Variants in BRF1 observed in about 807,000 individuals in gnomAD.
BRF1 encodes transcription factor IIIB 90 kDa subunit.
A neutral mutation model predicts 81.7 loss-of-function variants in BRF1; 59 were observed. That is an observed-to-expected ratio of 0.72 (90% CI 0.59 to 0.90). BRF1 has a LOEUF of 0.90. Among genes scored for constraint, BRF1 ranks in the 40% least tolerant of loss-of-function variants. BRF1 has a pLI of 0.00. For missense variants in BRF1, 1,050 were observed against 936.3 expected, an observed-to-expected ratio of 1.12 and a Z score of -1.58; for synonymous variants, 491 against 395.6, an observed-to-expected ratio of 1.24 and a Z score of -2.86.
intron 15 of BRF1, chr14:105,212,468 G>C (rs1350205730): frequency 5.2e-6 from 2 of 384,682 alleles, no homozygotes; most frequent in African/African-American, 4.1e-5. Context: ...GAGCTGCCTG[G>C]TGCCCTACCT....
chr14:105,250,373 G>T (rs1258400198), intron 5 of BRF1: 2 of 1,613,796 alleles, frequency 1.2e-6, no homozygotes, highest in Non-Finnish European at 1.7e-6. Context: ...TGAGTACAGC[G>T]TGAAGATTGA....
intron 5 of BRF1, among the ~76,000 whole-genome samples, chr14:105,243,903 A>T (rs587772026): frequency 6.6e-6 from 1 of 151,716 alleles, no homozygotes; most frequent in Admixed American, 6.6e-5. Context: ...GGAGGCTGAA[A>T]CAGGAGAATT....
chr14:105,252,641 T>C (rs1177002832), intron 4 of BRF1, 62 bp from the exon 5 acceptor site: 53 of 1,540,364 alleles, frequency 3.4e-5, no homozygotes, highest in Admixed American at 5.5e-5. Context: ...TTGCTTTTTT[T>C]CTCTTAAAAT....
In BRF1 at chr14:105,287,382, C is replaced by A. The variant is rs587717310; in HGVS notation, c.185-1006G>T. The stretch of plus-strand genomic sequence containing the variant: ...GAGAACAGTAAGGTGAGGCCCCAGG[C>A]ATGCCCAAAGATGGGGAGAGCTGGA... On this transcript the variant is annotated intron_variant, in intron 1 of 17. Coordinates refer to ENST00000547530, the MANE Select transcript of BRF1 (RefSeq NM_001519.4). 4.6e-5 allele frequency among the ~76,000 whole-genome samples: 7 copies of A among 152,324 alleles called. No homozygotes were observed. In the East Asian group the frequency reaches 1.4e-3, roughly 29 times the overall value.
chr14:105,213,793 C>G (rs587650341), intron 15 of BRF1, among the ~76,000 whole-genome samples: 92 of 152,302 alleles, frequency 6.0e-4, no homozygotes, highest in African/African-American at 2.1e-3. Flanking sequence ...CTGCAGAACC[C>G]GGCTGGAGAG....
chr14:105,229,423 C>A (rs1451285044), intron 6 of BRF1, among the ~76,000 whole-genome samples: 3 of 152,244 alleles, frequency 2.0e-5, no homozygotes, highest in African/African-American at 7.2e-5. Context: ...ATGCCGGTAC[C>A]TGGCCTGCCG....
intron 10 of BRF1, among the ~76,000 whole-genome samples, chr14:105,223,574 C>T (rs1457410540): frequency 6.6e-6 from 1 of 152,226 alleles, no homozygotes. Context: ...TGATCCTACT[C>T]CTACGGAATT....
At chr14:105,240,945 G>A (rs587602300) in intron 6 of BRF1, among the ~76,000 whole-genome samples, 8 of 152,320 alleles carry the variant, frequency 5.3e-5, no homozygotes, top group Admixed American at 4.6e-4. Flanking sequence ...CACTGTCCGC[G>A]TCAGAAGCCG....
intron 5 of BRF1, chr14:105,242,505 G>C (rs1187141604): frequency 6.6e-6 from 1 of 152,034 alleles, no homozygotes; most frequent in Admixed American, 6.6e-5. Flanking sequence ...GGGGGCCGAG[G>C]CGGGCGGATC....
chr14:105,305,341 G>A (rs1292269740), upstream of BRF1, among the ~76,000 whole-genome samples: 2 of 152,162 alleles, frequency 1.3e-5, no homozygotes, highest in Non-Finnish European at 2.9e-5. Flanking sequence ...AGTTGAGGCT[G>A]CAGTGAGCTG....
chr14:105,224,197 C>T (rs181277854), intron 10 of BRF1, among the ~76,000 whole-genome samples: 339 of 152,288 alleles, frequency 2.2e-3, no homozygotes, highest in Non-Finnish European at 4.0e-3. Flanking sequence ...GGCGAAACCC[C>T]GTTTCTACAA....
chr14:105,226,494 G>A, intron 8 of BRF1, 140 bp downstream of exon 8: 2 of 1,504,386 alleles, frequency 1.3e-6, no homozygotes, highest in Non-Finnish European at 1.8e-6. Flanking sequence ...CGGAGCCTCG[G>A]GCTCTGGCTG....
At chr14:105,228,612 G>T (rs1029171548) in intron 7 of BRF1, among the ~76,000 whole-genome samples, 1 of 152,048 alleles carries the variant, frequency 6.6e-6, no homozygotes, top group Admixed American at 6.6e-5. Flanking sequence ...GGCCCCAGAA[G>T]GACTAGCAGG....
intron 15 of BRF1, among the ~76,000 whole-genome samples, chr14:105,216,183 G>A (rs1891263969): frequency 6.6e-6 from 1 of 152,182 alleles, no homozygotes; most frequent in Non-Finnish European, 1.5e-5. Context: ...AGACACACAT[G>A]CACACCCGGG....
rs1889821424 is a variant in BRF1, at chr14:105,209,379, G to A, written c.*1172C>T. 1 of 608,862 alleles carries A rather than the reference G, an allele frequency of 1.6e-6. No individual in the cohort carries two copies. Among genetic ancestry groups the A allele is most frequent in the Non-Finnish European group, 3.0e-6 (1 of 337,250 alleles). The allele number at this position is 608,862 out of a possible 1,614,324, so 37.7% of individuals were successfully genotyped here. On this transcript the variant is annotated 3_prime_UTR_variant, in exon 18 of 18. Coordinates refer to ENST00000547530, the MANE Select transcript of BRF1 (RefSeq NM_001519.4). ...CCTGGCAGGACCCAGGCTGGCTACT[G>A]AGCTCTGGGCGGGGGTAGGGGGGTC...
chr14:105,304,337 A>G (rs587636008), upstream of BRF1, among the ~76,000 whole-genome samples: 18 of 152,182 alleles, frequency 1.2e-4, no homozygotes, highest in Non-Finnish European at 2.4e-4. Context: ...AAAAATACAA[A>G]AATTAGCAGG....
chr14:105,242,367 A>T (rs766673642), intron 5 of BRF1: 1 of 152,194 alleles, frequency 6.6e-6, no homozygotes, highest in East Asian at 1.9e-4. Flanking sequence ...TAGATAATTT[A>T]AAACAATTGC....
intron 15 of BRF1, 136 bp downstream of exon 15, chr14:105,217,408 G>A (rs1300923438): frequency 7.3e-7 from 1 of 1,377,886 alleles, no homozygotes; most frequent in Non-Finnish European, 9.9e-7. Flanking sequence ...CCAGTCCCCA[G>A]CATGCAGGTG....
intron 1 of BRF1, among the ~76,000 whole-genome samples, chr14:105,292,884 A>AC (rs2057580117): frequency 6.6e-6 from 1 of 151,434 alleles, no homozygotes; most frequent in African/African-American, 2.4e-5. Flanking sequence ...CCAGGTCCAG[A>AC]CCCCTTCCCA....
Sources: allele counts gnomAD v4.1 joint callset (sites outside exome capture counted in the v4.1 genomes callset), GRCh38; gene constraint gnomAD v4.1.1; transcripts MANE v1.5; gene names NCBI Gene and HGNC (gene_info 2026-07-23, HGNC 2026-07-21).